FHOD3: variants seen among roughly 807,000 people sequenced by gnomAD.
FHOD3 encodes the protein FH1/FH2 domain-containing protein 3.
FHOD3 carries 90 observed loss-of-function variants against 173.0 expected under a neutral mutation model. That is an observed-to-expected ratio of 0.52 (90% confidence interval 0.44 to 0.62). FHOD3 has a LOEUF of 0.62. Among genes scored for constraint, FHOD3 ranks in the 20% least tolerant of loss-of-function variants. The probability of loss-of-function intolerance (pLI) is 0.00; values close to 1 mark genes in which losing one functional copy is unlikely to be tolerated. For synonymous variants in FHOD3, 828 were observed against 823.0 expected (o/e 1.01, Z -0.10); for missense variants, 1,945 against 2,034.7 (o/e 0.96, Z 0.85).
chr18:36,707,686 A>T (rs1292632130), intron 17 of FHOD3, among the ~76,000 whole-genome samples: 1 of 152,138 alleles, frequency 6.6e-6, no homozygotes, highest in Non-Finnish European at 1.5e-5. Context: ...GCCCATGCCC[A>T]GCCTGCTGGG....
At chr18:36,767,151 C>A (rs1430897232) in intron 27 of FHOD3, among the ~76,000 whole-genome samples, 3 of 152,024 alleles carry the variant, frequency 2.0e-5, no homozygotes, top group African/African-American at 7.3e-5. Context: ...TTAAAAGAGT[C>A]TATTTTTTAA....
chr18:36,374,957 G>A (rs144563290), intron 3 of FHOD3, among the ~76,000 whole-genome samples: 88 of 152,292 alleles, frequency 5.8e-4, no homozygotes, highest in African/African-American at 2.0e-3. Context: ...TAAACTAACA[G>A]CAACACCTAA....
intron 3 of FHOD3, among the ~76,000 whole-genome samples, chr18:36,379,104 G>A (rs2047605427): frequency 6.6e-6 from 1 of 152,180 alleles, no homozygotes; most frequent in South Asian, 2.1e-4. Context: ...AGCAACTAAA[G>A]AATGAATTTA....
chr18:36,506,669 T>C (rs988575703), intron 4 of FHOD3, among the ~76,000 whole-genome samples: 1 of 152,226 alleles, frequency 6.6e-6, no homozygotes, highest in Admixed American at 6.5e-5. Context: ...TGATCTTATA[T>C]AAGTGATAAT....
At chr18:36,480,162 C>A (rs1490384104) in intron 3 of FHOD3, among the ~76,000 whole-genome samples, 3 of 152,210 alleles carry the variant, frequency 2.0e-5, no homozygotes, top group African/African-American at 7.2e-5. Context: ...CCCTTAGCCT[C>A]AGCCAGTTCT....
At chr18:36,682,005 T>A (rs949476981) in intron 15 of FHOD3, among the ~76,000 whole-genome samples, 16 of 152,222 alleles carry the variant, frequency 1.1e-4, no homozygotes, top group African/African-American at 3.9e-4. Context: ...ATATTTTTTG[T>A]AAACAATAAT....
chr18:36,566,230 C>T (rs1341794425), intron 5 of FHOD3, among the ~76,000 whole-genome samples: 1 of 152,178 alleles, frequency 6.6e-6, no homozygotes, highest in African/African-American at 2.4e-5. Flanking sequence ...AGGACATGAA[C>T]AAGCAGGCAA....
intron 7 of FHOD3, among the ~76,000 whole-genome samples, chr18:36,601,600 C>G (rs1338249578): frequency 1.3e-5 from 2 of 152,098 alleles, no homozygotes; most frequent in African/African-American, 4.8e-5. Flanking sequence ...TTCTCAAGGC[C>G]AAAATCAGCT....
intron 23 of FHOD3, among the ~76,000 whole-genome samples, chr18:36,746,490 G>A (rs1276408511): frequency 6.6e-6 from 1 of 152,174 alleles, no homozygotes; most frequent in African/African-American, 2.4e-5. Flanking sequence ...AGATCATCAC[G>A]AAGAGAAGCT....
chr18:36,393,564 T>A (rs528051654), intron 3 of FHOD3, among the ~76,000 whole-genome samples: 19 of 152,246 alleles, frequency 1.2e-4, no homozygotes, highest in African/African-American at 4.6e-4. Flanking sequence ...CCCAAGACAG[T>A]CACAGAGGGA....
At chr18:36,451,057 A>G (rs948524687) in intron 3 of FHOD3, among the ~76,000 whole-genome samples, 3 of 152,160 alleles carry the variant, frequency 2.0e-5, no homozygotes, top group Non-Finnish European at 2.9e-5. Flanking sequence ...CAAGCCAACC[A>G]TATCACACAT....
chr18:36,730,744 G>C lies in FHOD3; in HGVS notation c.3516G>C (p.Arg1172Ser), dbSNP rs2041314406. Residue 1172 changes from arginine (R) to serine (S), a missense_variant, in exon 20 of 29, where the codon AGG becomes AGC. Physicochemically the swap from Arg to Ser is moderately radical, Grantham distance 110 (BLOSUM62 -1). Around this residue, in one of 5 missense-constraint regions of FHOD3, gnomAD observed 231 missense variants for 321.9 expected, o/e 0.72. Coordinates refer to ENST00000590592, the MANE Select transcript of FHOD3 (RefSeq NM_001281740.3). The stretch of plus-strand genomic sequence containing the variant: ...GTCTGACGGTGCTGCCCCCTCCAAG[G>C]ACGATTAAGATCGCCATTTTGAATT... ...NIGLTVLPPPRTIKIAILNFD... is the reference protein window; with the variant it reads ...NIGLTVLPPPSTIKIAILNFD... The C allele has an allele frequency of 5.0e-6, 8 of 1,614,034 alleles. No homozygotes were observed. Among genetic ancestry groups the C allele is most frequent in the Non-Finnish European group, 6.8e-6 (8 of 1,180,034 alleles).
intron 14 of FHOD3, among the ~76,000 whole-genome samples, chr18:36,680,930 A>G (rs1365354911): frequency 6.6e-6 from 1 of 152,132 alleles, no homozygotes. Context: ...ACTTTTTTTA[A>G]AATTTTAGAT....
chr18:36,390,234 C>G (rs963900366), intron 3 of FHOD3, among the ~76,000 whole-genome samples: 2 of 152,166 alleles, frequency 1.3e-5, no homozygotes, highest in Non-Finnish European at 2.9e-5. Flanking sequence ...GACGTGTCCA[C>G]TGGGCAGGTG....
chr18:36,574,951 T>C (rs12964692), intron 5 of FHOD3, among the ~76,000 whole-genome samples: 1 of 151,848 alleles, frequency 6.6e-6, no homozygotes, highest in Non-Finnish European at 1.5e-5. Flanking sequence ...AATAATGTGG[T>C]TTTCTTTTTC....
At chr18:36,468,552 A>G (rs1010841685) in intron 3 of FHOD3, among the ~76,000 whole-genome samples, 8 of 152,168 alleles carry the variant, frequency 5.3e-5, no homozygotes, top group African/African-American at 1.9e-4. Flanking sequence ...AGCCAGTGGA[A>G]GGGAAGGTGA....
Position 36,475,775 on chromosome 18 carries a change from C to T in FHOD3, c.338-26157C>T, listed in dbSNP as rs2053536227. On this transcript the variant is annotated intron_variant, in intron 3 of 28. Transcript: ENST00000590592. ...ATACACACACACACACACACACACA[C>T]ACACACACACACACACACACGCATA... is the stretch of plus-strand genomic sequence containing the variant. Among the ~76,000 whole-genome samples the T allele has an allele frequency of 7.9e-5, 12 of 151,588 alleles. No homozygotes were observed. The South Asian group carries it at 2.5e-3, about 32-fold the overall frequency.
intron 17 of FHOD3, among the ~76,000 whole-genome samples, chr18:36,702,994 A>G (rs2039675596): frequency 6.6e-6 from 1 of 152,204 alleles, no homozygotes; most frequent in South Asian, 2.1e-4. Context: ...CTTAGCAGTG[A>G]GGTCCTGTTG....
intron 15 of FHOD3, among the ~76,000 whole-genome samples, chr18:36,682,374 A>G (rs2038308363): frequency 6.6e-6 from 1 of 151,268 alleles, no homozygotes; most frequent in African/African-American, 2.4e-5. Flanking sequence ...CTCCTCCTAT[A>G]CTTTCTCTTC....
Sources: gnomAD v4.1 joint callset for allele counts (sites outside exome capture counted in the v4.1 genomes callset) on GRCh38, gnomAD v4.1.1 for gene constraint, gnomAD v4.1.1 regional missense constraint, MANE v1.5 for transcripts, NCBI Gene and HGNC (gene_info 2026-07-23, HGNC 2026-07-21) for gene names.